CDK14: variants seen among roughly 807,000 people sequenced by gnomAD.
CDK14 encodes cyclin dependent kinase 14.
Under a neutral mutation model 60.7 loss-of-function variants are expected in CDK14, and 34 were observed. That is an observed-to-expected ratio of 0.56 (90% CI 0.43 to 0.75). The LOEUF (loss-of-function observed/expected upper bound fraction) is 0.75, where lower values mean the gene tolerates loss of function less well. Among genes scored for constraint, CDK14 ranks in the 30% least tolerant of loss-of-function variants. The pLI is 0.00. For synonymous variants in CDK14, 197 were observed against 203.7 expected, an observed-to-expected ratio of 0.97 and a Z score of 0.28; for missense variants, 482 against 564.1, an observed-to-expected ratio of 0.85 and a Z score of 1.47.
At chr7:91,057,145 T>C (rs1490893456) in intron 11 of CDK14, among the ~76,000 whole-genome samples, 1 of 152,204 alleles carries the variant, frequency 6.6e-6, no homozygotes, top group Non-Finnish European at 1.5e-5. Flanking sequence ...TGATTTGCAT[T>C]TCTCTGATGG....
At chr7:91,184,003 T>C (rs1201055894) in intron 14 of CDK14, among the ~76,000 whole-genome samples, 1 of 152,082 alleles carries the variant, frequency 6.6e-6, no homozygotes, top group East Asian at 1.9e-4. Flanking sequence ...AAGACTAGCC[T>C]GAGCAACATA....
At chr7:91,188,565 T>C (rs937809447) in intron 14 of CDK14, among the ~76,000 whole-genome samples, 1 of 152,200 alleles carries the variant, frequency 6.6e-6, no homozygotes, top group Admixed American at 6.5e-5. Context: ...GATGGATGGA[T>C]ACATACATAC....
intron 6 of CDK14, among the ~76,000 whole-genome samples, chr7:90,878,108 GAGAC>G (rs913331780): frequency 3.3e-5 from 5 of 151,362 alleles, no homozygotes; most frequent in African/African-American, 4.9e-5. Flanking sequence ...GAGAGAGAGA[GAGAC>G]AGAGAGAGAG....
chr7:90,775,220 T>G (rs1344423208), intron 4 of CDK14, among the ~76,000 whole-genome samples: 1 of 152,206 alleles, frequency 6.6e-6, no homozygotes, highest in Non-Finnish European at 1.5e-5. Context: ...TATCTGCTTT[T>G]CTTTAATCCT....
At chr7:90,835,483 G>A (rs762047037) in intron 5 of CDK14, among the ~76,000 whole-genome samples, 1 of 152,158 alleles carries the variant, frequency 6.6e-6, no homozygotes, top group Non-Finnish European at 1.5e-5. Context: ...TGGATGCCAG[G>A]CTATGAATAC....
At chr7:90,950,935 A>G (rs1047788248) in intron 8 of CDK14, among the ~76,000 whole-genome samples, 6 of 152,176 alleles carry the variant, frequency 3.9e-5, no homozygotes. Flanking sequence ...TTATAAAAGC[A>G]GCAATAGAGT....
chr7:90,823,628 G>GA (rs1789624624), intron 5 of CDK14, among the ~76,000 whole-genome samples: 2 of 152,134 alleles, frequency 1.3e-5, no homozygotes, highest in African/African-American at 2.4e-5. Context: ...TAGGTATTTC[G>GA]AATCAACCAA....
intron 11 of CDK14, among the ~76,000 whole-genome samples, chr7:91,058,616 G>T (rs1337576155): frequency 6.6e-6 from 1 of 152,214 alleles, no homozygotes; most frequent in Non-Finnish European, 1.5e-5. Flanking sequence ...TAGCATGAAG[G>T]TTGTTGAATT....
intron 5 of CDK14, among the ~76,000 whole-genome samples, chr7:90,817,943 C>G (rs960991068): frequency 2.0e-5 from 3 of 152,132 alleles, no homozygotes; most frequent in African/African-American, 7.2e-5. Flanking sequence ...TTCTAACCAG[C>G]AGACTGTAAG....
chr7:90,919,516 A>T (rs1793181520), intron 8 of CDK14, among the ~76,000 whole-genome samples: 1 of 152,170 alleles, frequency 6.6e-6, no homozygotes, highest in African/African-American at 2.4e-5. Context: ...TAGAAAATGT[A>T]CAAAGTATAA....
intron 11 of CDK14, among the ~76,000 whole-genome samples, chr7:91,072,907 G>A (rs572908152): frequency 6.6e-6 from 1 of 151,864 alleles, no homozygotes; most frequent in South Asian, 2.1e-4. Context: ...TCAAGCAGAA[G>A]AAAGAATATC....
intron 14 of CDK14, among the ~76,000 whole-genome samples, chr7:91,144,742 G>A (rs1800574042): frequency 1.3e-5 from 2 of 152,146 alleles, no homozygotes; most frequent in South Asian, 4.2e-4. Flanking sequence ...TGTCCAAAAA[G>A]GGGTAATCCA....
At chr7:91,131,616 A>G (rs1031692521) in intron 14 of CDK14, among the ~76,000 whole-genome samples, 1 of 152,150 alleles carries the variant, frequency 6.6e-6, no homozygotes, top group Non-Finnish European at 1.5e-5. Context: ...CAAAGCAGGG[A>G]ATGTCTGAGT....
intron 14 of CDK14, among the ~76,000 whole-genome samples, chr7:91,198,748 G>T (rs1584205788): frequency 6.6e-6 from 1 of 152,182 alleles, no homozygotes; most frequent in East Asian, 1.9e-4. Flanking sequence ...CACAAAACAG[G>T]TTCAAAGTCG....
chr7:91,015,310 A>C (rs1198077266), intron 10 of CDK14, among the ~76,000 whole-genome samples: 1 of 152,010 alleles, frequency 6.6e-6, no homozygotes, highest in Non-Finnish European at 1.5e-5. Context: ...AGTTCTGTAC[A>C]TTCTTCACTG....
intron 5 of CDK14, among the ~76,000 whole-genome samples, chr7:90,812,166 A>G (rs184016441): frequency 6.6e-6 from 1 of 152,368 alleles, no homozygotes; most frequent in African/African-American, 2.4e-5. Context: ...ACACATGCCC[A>G]TGTATGTTTA....
rs531690184 is a variant in CDK14, at chr7:91,082,405, A to C, written c.1154+2925A>C. Among the ~76,000 whole-genome samples the C allele has an allele frequency of 3.9e-5, 6 of 152,328 alleles. No homozygotes were observed. In the South Asian group the frequency reaches 1.2e-3, roughly 32 times the overall value. On this transcript the variant is annotated intron_variant, in intron 12 of 14. Transcript: ENST00000380050. ...CACGTCTACAGACTTGAATAGGCACAGGTTAACCTTTTCCTGCTTGTTCCC... is the reference window on the plus strand; with the variant it reads ...CACGTCTACAGACTTGAATAGGCACCGGTTAACCTTTTCCTGCTTGTTCCC...
At chr7:90,803,148 G>T (rs748060771) in intron 5 of CDK14, among the ~76,000 whole-genome samples, 7 of 151,840 alleles carry the variant, frequency 4.6e-5, no homozygotes, top group Non-Finnish European at 1.0e-4. Flanking sequence ...GTATTTGGGG[G>T]TCGTTTCTTG....
chr7:91,044,652 A>G (rs1001591980), intron 10 of CDK14, among the ~76,000 whole-genome samples: 1 of 152,080 alleles, frequency 6.6e-6, no homozygotes, highest in Non-Finnish European at 1.5e-5. Flanking sequence ...CAGATGGTTG[A>G]AGGGCTTATA....
Sources: allele counts gnomAD v4.1 joint callset (sites outside exome capture counted in the v4.1 genomes callset), GRCh38; gene constraint gnomAD v4.1.1; transcripts MANE v1.5; gene names NCBI Gene and HGNC (gene_info 2026-07-23, HGNC 2026-07-21).